Variants in WDR37 observed in about 807,000 individuals in gnomAD.
The protein encoded by WDR37 is WD repeat-containing protein 37.
In WDR37, 19 loss-of-function variants were observed where a neutral mutation model predicts 62.9. The observed-to-expected ratio is 0.30, with a 90% CI of 0.21 to 0.44. The LOEUF (loss-of-function observed/expected upper bound fraction) is 0.44, where lower values mean the gene tolerates loss of function less well. Among genes scored for constraint, WDR37 ranks in the 20% least tolerant of loss-of-function variants. The pLI, the probability that WDR37 is intolerant of heterozygous loss-of-function variation, is 1.00. For missense variants in WDR37, 474 were observed against 657.6 expected (o/e 0.72, Z 3.05); for synonymous variants, 250 against 260.9 (o/e 0.96, Z 0.40).
chr10:1,074,587 C>T, intron 2 of WDR37: 1 of 1,217,250 alleles, frequency 8.2e-7, no homozygotes, highest in African/African-American at 1.6e-5. Flanking sequence ...AGGTGCTCTG[C>T]CTTCCCCCTG....
intron 5 of WDR37, among the ~76,000 whole-genome samples, chr10:1,082,437 A>G (rs529993996): frequency 6.6e-6 from 1 of 152,374 alleles, no homozygotes; most frequent in South Asian, 2.1e-4. Context: ...TATAAAAATC[A>G]GAAAGGGCTT....
intron 1 of WDR37, among the ~76,000 whole-genome samples, chr10:1,063,413 C>T (rs185087663): frequency 4.8e-4 from 73 of 151,520 alleles, no homozygotes; most frequent in Admixed American, 2.9e-3. Context: ...GAGAACTTTT[C>T]GGCGGTAAGT....
chr10:1,126,318 A>G (rs1476754452), intron 13 of WDR37, among the ~76,000 whole-genome samples: 3 of 149,514 alleles, frequency 2.0e-5, no homozygotes, highest in African/African-American at 7.6e-5. Context: ...AGGCAGGAGA[A>G]TGGCGTGAAC....
chr10:1,074,246 C>T (rs748302368), intron 2 of WDR37: 3 of 1,000,252 alleles, frequency 3.0e-6, no homozygotes, highest in African/African-American at 1.7e-5. Context: ...TGCAGCCTCC[C>T]CTGCTGGCAT....
intron 13 of WDR37, among the ~76,000 whole-genome samples, chr10:1,128,892 GTGGT>G (rs1835887050): frequency 1.3e-5 from 2 of 148,578 alleles, no homozygotes; most frequent in Admixed American, 1.3e-4. Flanking sequence ...GTCCTGCTCA[GTGGT>G]CCATGCTTGG....
At chr10:1,074,876 C>T (rs748852687) in intron 2 of WDR37, among the ~76,000 whole-genome samples, 17 of 152,260 alleles carry the variant, frequency 1.1e-4, no homozygotes, top group African/African-American at 2.7e-4. Context: ...GGAGGTCTGT[C>T]GTTGCCGAGA....
intron 9 of WDR37, among the ~76,000 whole-genome samples, chr10:1,102,863 G>A (rs565401262): frequency 5.9e-5 from 9 of 152,166 alleles, no homozygotes; most frequent in Non-Finnish European, 1.0e-4. Flanking sequence ...TAGAACAGAA[G>A]TTCTCTGAGG....
chr10:1,131,348 AAAAATGGCTGCAAATAGCCAAATC>A lies in WDR37; in HGVS notation c.*2008_*2031del, dbSNP rs1479491478. ...CTTAGGATGATGGTTAGGAACATTG[AAAAATGGCTGCAAATAGCCAAATC>A]AAACTTAAGAACCAGATCTCTGCCA... On this transcript the variant is annotated 3_prime_UTR_variant, in exon 14 of 14. Coordinates refer to ENST00000263150, the MANE Select transcript of WDR37 (RefSeq NM_014023.4). 1.3e-5 allele frequency: 2 copies of A among 152,270 alleles called. No individual in the cohort carries two copies. The highest frequency in any genetic ancestry group is 2.9e-5 in the Non-Finnish European group (2 of 68,058). The allele number at this position is 152,270 out of a possible 1,614,324, so 9.4% of individuals were successfully genotyped here. A position where few individuals can be genotyped will look rare whatever the true frequency, so the allele number is the denominator to read the frequency against.
intron 11 of WDR37, among the ~76,000 whole-genome samples, chr10:1,109,068 T>TG (rs749458498): frequency 1.3e-5 from 2 of 152,096 alleles, no homozygotes; most frequent in Non-Finnish European, 2.9e-5. Context: ...GGTGAGTTGC[T>TG]GGTTTGTGCC....
chr10:1,106,780 G>C (rs1159931058), intron 11 of WDR37, among the ~76,000 whole-genome samples: 1 of 152,196 alleles, frequency 6.6e-6, no homozygotes, highest in African/African-American at 2.4e-5. Context: ...GCCTACCAAA[G>C]TGCTGGGATT....
At chr10:1,107,217 G>T (rs1835051442) in intron 11 of WDR37, among the ~76,000 whole-genome samples, 1 of 152,242 alleles carries the variant, frequency 6.6e-6, no homozygotes, top group Admixed American at 6.5e-5. Flanking sequence ...CTTGGATGTG[G>T]TGCTCCCCGA....
chr10:1,101,088 C>T (rs996248541), intron 9 of WDR37, among the ~76,000 whole-genome samples: 12 of 152,254 alleles, frequency 7.9e-5, no homozygotes, highest in African/African-American at 2.2e-4. Flanking sequence ...CTGTCAGCCA[C>T]TCCTGCAGCA....
intron 9 of WDR37, among the ~76,000 whole-genome samples, chr10:1,098,663 C>T (rs1453279233): frequency 5.9e-5 from 9 of 152,190 alleles, no homozygotes; most frequent in Non-Finnish European, 1.0e-4. Flanking sequence ...CCTGTGGGCA[C>T]GCGGCAGGAT....
At chr10:1,099,912 TG>T (rs1414654276) in intron 9 of WDR37, among the ~76,000 whole-genome samples, 1 of 113,592 alleles carries the variant, frequency 8.8e-6, no homozygotes, top group Non-Finnish European at 1.9e-5. Context: ...GGTGGAGAGG[TG>T]AGGAGGGTGA....
At chr10:1,094,828 AG>A (rs1834515746) in intron 8 of WDR37, among the ~76,000 whole-genome samples, 1 of 146,146 alleles carries the variant, frequency 6.8e-6, no homozygotes, top group African/African-American at 2.6e-5. Context: ...TAATGGACAT[AG>A]AGAGGGGAGA....
chr10:1,093,561 CTT>C, intron 8 of WDR37, 65 bp downstream of exon 8: 1 of 1,306,796 alleles, frequency 7.7e-7, no homozygotes, highest in Non-Finnish European at 1.1e-6. Context: ...ATAAATATTC[CTT>C]TCTTATCGTA....
intron 12 of WDR37, among the ~76,000 whole-genome samples, 192 bp from the exon 13 acceptor site, chr10:1,124,718 G>A (rs538769161): frequency 1.3e-5 from 2 of 151,918 alleles, no homozygotes; most frequent in Non-Finnish European, 2.9e-5. Flanking sequence ...CATGGGGTCT[G>A]TGTGATCTTG....
chr10:1,118,902 C>A (rs1249871824), intron 11 of WDR37, among the ~76,000 whole-genome samples: 6 of 152,092 alleles, frequency 3.9e-5, no homozygotes, highest in African/African-American at 1.4e-4. Context: ...TTGCTTTTTG[C>A]CATTTTTGTG....
intron 11 of WDR37, among the ~76,000 whole-genome samples, chr10:1,110,239 A>T (rs530788455): frequency 1.3e-5 from 2 of 152,298 alleles, no homozygotes; most frequent in South Asian, 4.1e-4. Flanking sequence ...AGCTGTGCGC[A>T]TGCAGGATGA....
Sources: allele counts gnomAD v4.1 joint callset (sites outside exome capture counted in the v4.1 genomes callset), GRCh38; gene constraint gnomAD v4.1.1; transcripts MANE v1.5; gene names NCBI Gene and HGNC (gene_info 2026-07-23, HGNC 2026-07-21).